EFNA5: variants seen among roughly 807,000 people sequenced by gnomAD.
EFNA5 encodes ephrin-A5.
EFNA5 carries 5 observed loss-of-function variants against 22.9 expected under a neutral mutation model. That is an observed-to-expected ratio of 0.22 (90% CI 0.11 to 0.46). EFNA5 has a LOEUF of 0.46. EFNA5 is among the 20% of genes least tolerant of loss of function. EFNA5 has a pLI of 0.99. For synonymous variants in EFNA5, 113 were observed against 112.2 expected, an observed-to-expected ratio of 1.01 and a Z score of -0.04; for missense variants, 237 against 293.3, an observed-to-expected ratio of 0.81 and a Z score of 1.40.
At chr5:107,546,347 A>T (rs564770285) in intron 1 of EFNA5, among the ~76,000 whole-genome samples, 123 of 152,344 alleles carry the variant, frequency 8.1e-4, no homozygotes, top group Middle Eastern at 3.4e-3. Context: ...ATCCATAAGC[A>T]GAAAGAGGCT....
In EFNA5 at chr5:107,381,461, C is replaced by T. The variant is rs1309778027; in HGVS notation, c.566-85G>A. ...AGCAGCCTGCTGTTAACAGACCTCG[C>T]CACCCTCTGCAAAGTAGGGTAATGA... On this transcript the variant is annotated intron_variant, in intron 4 of 4. Coordinates refer to ENST00000333274, the MANE Select transcript of EFNA5 (RefSeq NM_001962.3). The T allele has an allele frequency of 4.1e-6, 6 of 1,448,182 alleles. No individual in the cohort carries two copies. In the East Asian group the frequency reaches 1.4e-4, roughly 34 times the overall value. 89.7% of individuals were successfully genotyped at this position (1,448,182 alleles called of 1,614,324 possible). A position where few individuals can be genotyped will look rare whatever the true frequency, so the allele number is the denominator to read the frequency against.
intron 1 of EFNA5, among the ~76,000 whole-genome samples, chr5:107,451,237 A>G (rs1749551407): frequency 6.6e-6 from 1 of 152,200 alleles, no homozygotes; most frequent in Admixed American, 6.5e-5. Flanking sequence ...TCACATGTGT[A>G]ATTTGCCCAC....
chr5:107,523,967 T>A (rs1203005881), intron 1 of EFNA5, among the ~76,000 whole-genome samples: 1 of 152,196 alleles, frequency 6.6e-6, no homozygotes, highest in Admixed American at 6.5e-5. Context: ...AAGTATCAGG[T>A]TGGGTTCTGA....
intron 1 of EFNA5, among the ~76,000 whole-genome samples, chr5:107,496,884 T>G (rs1348778521): frequency 6.6e-6 from 1 of 152,212 alleles, no homozygotes; most frequent in Admixed American, 6.5e-5. Context: ...AAGTACCAAG[T>G]AGACAGTTCA....
intron 1 of EFNA5, among the ~76,000 whole-genome samples, chr5:107,495,253 G>A (rs1746945228): frequency 6.6e-6 from 1 of 152,120 alleles, no homozygotes; most frequent in Non-Finnish European, 1.5e-5. Flanking sequence ...CCTGAAGTCA[G>A]CGGGACCAGG....
At chr5:107,640,984 A>G (rs865778992) in intron 1 of EFNA5, among the ~76,000 whole-genome samples, 2 of 113,356 alleles carry the variant, frequency 1.8e-5, no homozygotes, top group South Asian at 2.6e-4. Context: ...AGGTAGATAG[A>G]TAGATAGATA....
intron 2 of EFNA5, among the ~76,000 whole-genome samples, chr5:107,410,017 T>C (rs968237799): frequency 1.5e-5 from 2 of 136,838 alleles, no homozygotes; most frequent in Non-Finnish European, 3.1e-5. Context: ...TTAAGTGACA[T>C]GATTCTTTTT....
intron 1 of EFNA5, among the ~76,000 whole-genome samples, chr5:107,642,989 G>T (rs1455424448): frequency 6.7e-6 from 1 of 150,282 alleles, no homozygotes; most frequent in Non-Finnish European, 1.5e-5. Flanking sequence ...GTGGTACCAT[G>T]TTTATATACT....
chr5:107,505,104 T>A (rs1388094130), intron 1 of EFNA5, among the ~76,000 whole-genome samples: 1 of 151,998 alleles, frequency 6.6e-6, no homozygotes, highest in Non-Finnish European at 1.5e-5. Flanking sequence ...TTGGCAATGA[T>A]CTCCATTCAA....
At chr5:107,579,913 CA>C (rs1379075202) in intron 1 of EFNA5, among the ~76,000 whole-genome samples, 2 of 152,184 alleles carry the variant, frequency 1.3e-5, no homozygotes, top group African/African-American at 4.8e-5. Flanking sequence ...GATGTTTAAT[CA>C]ACTACAACTC....
intron 1 of EFNA5, among the ~76,000 whole-genome samples, chr5:107,614,294 T>G (rs1749872772): frequency 6.6e-6 from 1 of 152,156 alleles, no homozygotes; most frequent in Non-Finnish European, 1.5e-5. Context: ...TCTTAAACCA[T>G]AAACCAACTG....
At chr5:107,551,177 T>C (rs1211857664) in intron 1 of EFNA5, among the ~76,000 whole-genome samples, 1 of 152,114 alleles carries the variant, frequency 6.6e-6, no homozygotes, top group East Asian at 1.9e-4. Flanking sequence ...GATAGAGATG[T>C]AGGTTAATTA....
At chr5:107,589,820 T>G (rs1357160773) in intron 1 of EFNA5, among the ~76,000 whole-genome samples, 1 of 152,194 alleles carries the variant, frequency 6.6e-6, no homozygotes, top group African/African-American at 2.4e-5. Context: ...TACTAAAGCA[T>G]CTGTTCCACT....
intron 1 of EFNA5, among the ~76,000 whole-genome samples, chr5:107,457,037 C>A (rs1428702484): frequency 3.3e-5 from 5 of 152,202 alleles, no homozygotes; most frequent in Middle Eastern, 6.8e-3. Flanking sequence ...TTCCTCTTTG[C>A]CCAAGATTAG....
At chr5:107,529,022 T>C (rs1180248360) in intron 1 of EFNA5, among the ~76,000 whole-genome samples, 1 of 152,224 alleles carries the variant, frequency 6.6e-6, no homozygotes, top group African/African-American at 2.4e-5. Context: ...TGCTTGGCCA[T>C]TTACAAAACT....
At chr5:107,391,454 T>A (rs1010208923) in intron 2 of EFNA5, among the ~76,000 whole-genome samples, 17 of 152,250 alleles carry the variant, frequency 1.1e-4, no homozygotes, top group African/African-American at 4.1e-4. Context: ...ACAGAAGACA[T>A]TTTATCCCTA....
At chr5:107,509,532 C>G (rs1199543185) in intron 1 of EFNA5, among the ~76,000 whole-genome samples, 3 of 149,332 alleles carry the variant, frequency 2.0e-5, no homozygotes, top group Non-Finnish European at 4.4e-5. Context: ...GGAGTTTCAC[C>G]ATGTTGGCCA....
At chr5:107,650,825 A>G (rs1750713975) in intron 1 of EFNA5, among the ~76,000 whole-genome samples, 1 of 152,210 alleles carries the variant, frequency 6.6e-6, no homozygotes, top group Non-Finnish European at 1.5e-5. Context: ...AAGAAGGGCC[A>G]GTGGTATGTG....
chr5:107,461,651 A>G (rs958451097), intron 1 of EFNA5, among the ~76,000 whole-genome samples: 1 of 152,166 alleles, frequency 6.6e-6, no homozygotes, highest in Non-Finnish European at 1.5e-5. Context: ...CAAAAGTGTT[A>G]ATTTTATGTG....
Sources: allele counts gnomAD v4.1 joint callset (sites outside exome capture counted in the v4.1 genomes callset), GRCh38; gene constraint gnomAD v4.1.1; transcripts MANE v1.5; gene names NCBI Gene and HGNC (gene_info 2026-07-23, HGNC 2026-07-21).